Variants in BFSP2 observed in about 807,000 individuals in gnomAD.
BFSP2 encodes phakinin.
BFSP2 carries 38 observed loss-of-function variants against 44.9 expected under a neutral mutation model. The ratio of observed to expected loss-of-function variants is 0.85; its 90% CI spans 0.65 to 1.11. The LOEUF is 1.11. BFSP2 is among the 50% of genes least tolerant of loss of function. The pLI is 0.00. For synonymous variants in BFSP2, 197 were observed against 209.9 expected, an observed-to-expected ratio of 0.94 and a Z score of 0.53; for missense variants, 525 against 533.0, an observed-to-expected ratio of 0.99 and a Z score of 0.15.
intron 1 of BFSP2, among the ~76,000 whole-genome samples, chr3:133,437,618 GAAGAAA>G (rs1188979390): frequency 6.8e-6 from 1 of 146,844 alleles, no homozygotes; most frequent in East Asian, 2.0e-4. Flanking sequence ...AAAAAAGAAA[GAAGAAA>G]GAGAAAAAGA....
chr3:133,466,677 C>CAACAACAAAAAA (rs1277623226), intron 4 of BFSP2, 151 bp from the exon 5 acceptor site: 1 of 182,402 alleles, frequency 5.5e-6, no homozygotes, highest in African/African-American at 5.2e-5. Flanking sequence ...TTCATCTCAA[C>CAACAACAAAAAA]AAAAAAAAAA....
rs536749169 is a variant in BFSP2, at chr3:133,463,164, C to T, written c.892-3664C>T. Among the ~76,000 whole-genome samples, 5 of 152,162 alleles carry T rather than the reference C, an allele frequency of 3.3e-5. No individual in the cohort carries two copies. The South Asian group carries it at 1.0e-3, about 32-fold the overall frequency. ...TCTCTACTAAAAATACAAAAATTAG[C>T]CGGGCATGGTGGCAGGCGCCTGTAA... On this transcript the variant is annotated intron_variant, in intron 4 of 6. Coordinates refer to ENST00000302334, the MANE Select transcript of BFSP2 (RefSeq NM_003571.4).
chr3:133,467,799 A>T (rs977086500), intron 5 of BFSP2, among the ~76,000 whole-genome samples: 3 of 152,158 alleles, frequency 2.0e-5, no homozygotes, highest in Admixed American at 2.0e-4. Flanking sequence ...AGGTTGGTCC[A>T]TGTAATCCTT....
At chr3:133,408,479 T>C (rs1017995398) in intron 1 of BFSP2, among the ~76,000 whole-genome samples, 4 of 152,244 alleles carry the variant, frequency 2.6e-5, no homozygotes, top group African/African-American at 9.6e-5. Flanking sequence ...TAGGCATTTA[T>C]GTATACATAA....
At chr3:133,432,622 G>A (rs1223812200) in intron 1 of BFSP2, among the ~76,000 whole-genome samples, 2 of 152,030 alleles carry the variant, frequency 1.3e-5, no homozygotes, top group African/African-American at 4.8e-5. Flanking sequence ...TTCTCAACAA[G>A]ACACACCTCT....
rs986393446 is a variant in BFSP2, at chr3:133,442,773, C to T, written c.490-4544C>T. On this transcript the variant is annotated intron_variant, in intron 1 of 6. Coordinates refer to ENST00000302334, the MANE Select transcript of BFSP2 (RefSeq NM_003571.4). ...GAGATCAAGATGATCCCTTGGTTTC[C>T]GGGTAGACATTGGGGTTGTTTACTG... Among the ~76,000 whole-genome samples, 42 of 151,026 alleles carry T rather than the reference C, an allele frequency of 2.8e-4. 1 individual carries two copies. The highest frequency in any genetic ancestry group is 2.2e-4 in the African/African-American group (9 of 40,984).
At chr3:133,436,762 C>T (rs557778660) in intron 1 of BFSP2, among the ~76,000 whole-genome samples, 157 of 152,326 alleles carry the variant, frequency 1.0e-3, no homozygotes, top group South Asian at 1.5e-3. Flanking sequence ...CCGCTTCCCC[C>T]ACCCCACTAC....
intron 1 of BFSP2, among the ~76,000 whole-genome samples, chr3:133,447,116 C>A (rs1021597006): frequency 6.6e-6 from 1 of 152,138 alleles, no homozygotes; most frequent in Non-Finnish European, 1.5e-5. Context: ...TAGAAGATAT[C>A]CAGATTTTAT....
chr3:133,473,579 G>T lies in BFSP2; in HGVS notation c.1244+1014G>T, dbSNP rs532194043. On this transcript the variant is annotated intron_variant, in intron 6 of 6. Transcript: ENST00000302334. Reference sequence around the variant, plus strand: ...GATAAACAAGTGAACAAAGGTCTCTGGTTTTCCTAGGCAGAGGACCCTGCG... The same window carrying T: ...GATAAACAAGTGAACAAAGGTCTCTTGTTTTCCTAGGCAGAGGACCCTGCG... 4.9e-3 allele frequency among the ~76,000 whole-genome samples: 748 copies of T among 151,268 alleles called. 7 individuals are homozygous for T. The highest frequency in any genetic ancestry group is 0.017 in the African/African-American group (709 of 41,160).
chr3:133,429,092 C>G lies in BFSP2; in HGVS notation c.490-18225C>G, dbSNP rs949671441. 2.6e-5 allele frequency among the ~76,000 whole-genome samples: 4 copies of G among 151,988 alleles called. No individual in the cohort carries two copies. The South Asian group carries it at 8.3e-4, about 32-fold the overall frequency. On this transcript the variant is annotated intron_variant, in intron 1 of 6. Coordinates refer to ENST00000302334, the MANE Select transcript of BFSP2 (RefSeq NM_003571.4). ...ATTGAAACTCCCCTTGTACTCTGTC[C>G]TGATTGAATTCCACCCCCACCCCCC...
chr3:133,451,355 G>A (rs1278830490), intron 4 of BFSP2, among the ~76,000 whole-genome samples: 1 of 152,116 alleles, frequency 6.6e-6, no homozygotes, highest in Non-Finnish European at 1.5e-5. Context: ...AGTACAGAAT[G>A]GTATATGCCA....
chr3:133,422,422 T>G (rs1365527212), intron 1 of BFSP2, among the ~76,000 whole-genome samples: 1 of 152,182 alleles, frequency 6.6e-6, no homozygotes, highest in African/African-American at 2.4e-5. Context: ...AGAAACCTGG[T>G]GCCACTGACT....
At chr3:133,470,954 AG>A (rs2074156827) in intron 5 of BFSP2, among the ~76,000 whole-genome samples, 1 of 152,182 alleles carries the variant, frequency 6.6e-6, no homozygotes. Context: ...GGGGATGAGT[AG>A]GAGTGAGTGA....
At chr3:133,431,599 T>C (rs575536331) in intron 1 of BFSP2, among the ~76,000 whole-genome samples, 14 of 152,320 alleles carry the variant, frequency 9.2e-5, no homozygotes, top group Admixed American at 2.0e-4. Context: ...TGAAGACTGA[T>C]GCTGCCCGAT....
intron 1 of BFSP2, among the ~76,000 whole-genome samples, chr3:133,415,948 C>T (rs2073522042): frequency 6.9e-6 from 1 of 144,948 alleles, no homozygotes; most frequent in African/African-American, 2.6e-5. Flanking sequence ...CCCCTCTACT[C>T]GCCTGACCTC....
chr3:133,466,801 C>T (rs2074114585), intron 4 of BFSP2, 27 bp from the exon 5 acceptor site: 1 of 1,602,094 alleles, frequency 6.2e-7, no homozygotes, highest in Non-Finnish European at 8.5e-7. Flanking sequence ...ATCATCACCG[C>T]TCACACTGAG....
rs1422016785 is a variant in BFSP2, at chr3:133,413,898, G to A, written c.489+13326G>A. ...AACACTACAGTGTGGAAGTTAGAAA[G>A]CCCCCGCATTTCAGCAGGCTCTGGG... On this transcript the variant is annotated intron_variant, in intron 1 of 6. Coordinates refer to ENST00000302334, the MANE Select transcript of BFSP2 (RefSeq NM_003571.4). Among the ~76,000 whole-genome samples, 2 of 151,830 alleles carry A rather than the reference G, an allele frequency of 1.3e-5. 1 individual carries two copies. The highest frequency in any genetic ancestry group is 4.1e-4 in the South Asian group (2 of 4,828).
rs1473665826 is a variant in BFSP2, at chr3:133,424,218, T to TGTGTGTGTGTGTGTGTGTGTGTGTGTGTG, written c.490-23099_490-23098insGTGTGTGTGTGTGTGTGTGTGTGTGTGTG. On this transcript the variant is annotated intron_variant, in intron 1 of 6. Transcript: ENST00000302334. ...CTACCACCGCGTCCAGCTAATTTTT[T>TGTGTGTGTGTGTGTGTGTGTGTGTGTGTG]TTTTTTTTTTTTTTTTTTTTTTTGT... 2.0e-4 allele frequency among the ~76,000 whole-genome samples: 13 copies of TGTGTGTGTGTGTGTGTGTGTGTGTGTGTG among 64,806 alleles called. 1 individual carries two copies. The highest frequency in any genetic ancestry group is 6.3e-4 in the African/African-American group (12 of 19,086). 42.5% of individuals were successfully genotyped at this position (64,806 alleles called of 152,430 possible).
At chr3:133,445,596 T>A (rs1026806198) in intron 1 of BFSP2, 3 of 152,230 alleles carry the variant, frequency 2.0e-5, no homozygotes, top group South Asian at 2.1e-4. Context: ...AAATATTTTT[T>A]AAAAAATAGA....
Sources: allele counts gnomAD v4.1 joint callset (sites outside exome capture counted in the v4.1 genomes callset), GRCh38; gene constraint gnomAD v4.1.1; transcripts MANE v1.5; gene names NCBI Gene and HGNC (gene_info 2026-07-23, HGNC 2026-07-21).